The following ZFHX3 variants were observed in gnomAD, a reference collection of about 807,000 sequenced individuals.
The protein encoded by ZFHX3 is zinc finger homeobox protein 3.
A neutral mutation model predicts 279.1 loss-of-function variants in ZFHX3; 42 were observed. The ratio of observed to expected loss-of-function variants is 0.15; its 90% CI spans 0.12 to 0.19. The LOEUF (loss-of-function observed/expected upper bound fraction) is 0.19, where lower values mean the gene tolerates loss of function less well. Among genes scored for constraint, ZFHX3 ranks in the 10% least tolerant of loss-of-function variants. ZFHX3 has a pLI of 1.00. For missense variants in ZFHX3, 4,981 were observed against 4,754.0 expected, an observed-to-expected ratio of 1.05 and a Z score of -1.40; for synonymous variants, 2,293 against 1,957.8, an observed-to-expected ratio of 1.17 and a Z score of -4.52.
At chr16:73,058,588 C>G in exon 1 of ZFHX3, 1 of 239,064 alleles carries the variant, frequency 4.2e-6, no homozygotes, top group Non-Finnish European at 7.9e-6. Flanking sequence ...GCGGCGGCGG[C>G]GGGAGCTGGC....
intron 1 of ZFHX3, among the ~76,000 whole-genome samples, chr16:73,741,366 C>T (rs1392940834): frequency 6.6e-6 from 1 of 152,142 alleles, no homozygotes; most frequent in Non-Finnish European, 1.5e-5. Flanking sequence ...TCTCTTGAGT[C>T]TCTGAATCCT....
chr16:73,494,754 G>T (rs1199279199), intron 2 of ZFHX3, among the ~76,000 whole-genome samples: 1 of 151,128 alleles, frequency 6.6e-6, no homozygotes, highest in Admixed American at 6.6e-5. Flanking sequence ...TTTTAGCAGA[G>T]ATGGGGTTTC....
chr16:73,403,335 G>A (rs1597320764), intron 3 of ZFHX3, among the ~76,000 whole-genome samples: 1 of 152,202 alleles, frequency 6.6e-6, no homozygotes, highest in South Asian at 2.1e-4. Flanking sequence ...GGTCCCGCAG[G>A]GGTTCGTTAA....
exon 1 of ZFHX3, chr16:73,058,684 A>G (rs1467137337): frequency 2.3e-5 from 5 of 217,974 alleles, no homozygotes; most frequent in Non-Finnish European, 3.4e-5. Flanking sequence ...GCGGCGGCGG[A>G]GGACGCGCTG....
At chr16:73,620,067 G>A (rs1183844968) in intron 2 of ZFHX3, among the ~76,000 whole-genome samples, 1 of 152,172 alleles carries the variant, frequency 6.6e-6, no homozygotes, top group Non-Finnish European at 1.5e-5. Context: ...GGGACTACAG[G>A]TGTGCACCAC....
intron 5 of ZFHX3, among the ~76,000 whole-genome samples, chr16:73,193,702 T>C (rs1968088531): frequency 6.6e-6 from 1 of 152,172 alleles, no homozygotes; most frequent in East Asian, 1.9e-4. Flanking sequence ...AGCAGTTTGT[T>C]AAACCCCACA....
chr16:73,353,710 G>A (rs1330431433), intron 3 of ZFHX3, among the ~76,000 whole-genome samples: 1 of 152,120 alleles, frequency 6.6e-6, no homozygotes, highest in Non-Finnish European at 1.5e-5. Context: ...TGTTAGTATA[G>A]ACCCAGTGTG....
At chr16:73,831,050 G>A (rs1250011483) in intron 1 of ZFHX3, among the ~76,000 whole-genome samples, 1 of 152,098 alleles carries the variant, frequency 6.6e-6, no homozygotes, top group Non-Finnish European at 1.5e-5. Context: ...TTCCCCTTTA[G>A]ACACATTCAA....
chr16:72,999,155 GT>G (rs1009362847), intron 1 of ZFHX3, among the ~76,000 whole-genome samples: 1 of 152,054 alleles, frequency 6.6e-6, no homozygotes, highest in South Asian at 2.1e-4. Flanking sequence ...ACAATCTTTT[GT>G]TTTTTTGTTT....
At chr16:73,755,936 G>A (rs2053804612) in intron 1 of ZFHX3, among the ~76,000 whole-genome samples, 2 of 152,290 alleles carry the variant, frequency 1.3e-5, no homozygotes, top group Admixed American at 6.5e-5. Context: ...GGTGACAGTG[G>A]CTGGCTCCTG....
At chr16:73,065,694 C>T (rs1314513566) in intron 8 of ZFHX3, among the ~76,000 whole-genome samples, 1 of 151,950 alleles carries the variant, frequency 6.6e-6, no homozygotes, top group Non-Finnish European at 1.5e-5. Flanking sequence ...ATTTTGCTCT[C>T]TTCGCCCCAG....
Position 72,958,174 on chromosome 16 carries a change from G to A in ZFHX3, c.1972C>T (p.His658Tyr). 1 of 1,613,658 alleles carries A rather than the reference G, an allele frequency of 6.2e-7. No individual in the cohort carries two copies. Among genetic ancestry groups the A allele is most frequent in the Non-Finnish European group, 8.5e-7 (1 of 1,179,566 alleles). The change falls in exon 2 of 10, where the codon CAC becomes TAC. Residue 658 changes from histidine to tyrosine, a missense_variant. Transcript: ENST00000268489. The part of the protein sequence containing the change: ...VLGSSRSLGG[H>Y]MTMMHSRNSC... The stretch of plus-strand genomic sequence containing the variant: ...TTACGAGAATGCATCATGGTCATGT[G>A]GCCGCCCAGCGAGCGGGAGGAGCCC...
chr16:73,684,727 G>T (rs2053061566), intron 1 of ZFHX3, among the ~76,000 whole-genome samples: 1 of 141,592 alleles, frequency 7.1e-6, no homozygotes, highest in African/African-American at 2.7e-5. Flanking sequence ...TGGAGATGGA[G>T]TCTTGCTCTG....
At position 72,843,367 on chromosome 16, in the gene ZFHX3, C is replaced by A. The variant is rs192733160; in HGVS notation, c.3449-13508G>T. 2.6e-3 allele frequency among the ~76,000 whole-genome samples: 392 copies of A among 151,958 alleles called. 2 individuals carry two copies. The highest frequency in any genetic ancestry group is 0.024 in the Admixed American group (361 of 15,292). On this transcript the variant is annotated intron_variant, in intron 4 of 9. Coordinates refer to ENST00000268489, the MANE Select transcript of ZFHX3 (RefSeq NM_006885.4). ...CTACTAAAAAATACAAAAAATTAGC[C>A]GGGCGTGGTGGCGGGCGCCTGTAGT...
chr16:72,966,119 G>A (rs910983175), intron 1 of ZFHX3, among the ~76,000 whole-genome samples: 2 of 152,142 alleles, frequency 1.3e-5, no homozygotes, highest in African/African-American at 2.4e-5. Flanking sequence ...CTCGGGACAC[G>A]CCAACAAGGC....
At chr16:73,184,714 C>A (rs1597208943) in intron 5 of ZFHX3, among the ~76,000 whole-genome samples, 1 of 152,106 alleles carries the variant, frequency 6.6e-6, no homozygotes, top group Admixed American at 6.5e-5. Flanking sequence ...AAAGTGAAAT[C>A]CATTTGCAAG....
At chr16:73,537,158 A>T (rs1399326074) in intron 2 of ZFHX3, among the ~76,000 whole-genome samples, 1 of 152,140 alleles carries the variant, frequency 6.6e-6, no homozygotes, top group Admixed American at 6.5e-5. Flanking sequence ...AGTAGACATG[A>T]TGCTTTGGGC....
intron 6 of ZFHX3, among the ~76,000 whole-genome samples, chr16:73,140,586 C>T (rs916155444): frequency 1.3e-5 from 2 of 151,876 alleles, no homozygotes; most frequent in Admixed American, 6.6e-5. Context: ...CCGGGCGTGG[C>T]GGCTCACACT....
chr16:72,952,713 T>C (rs1002815462), intron 2 of ZFHX3, among the ~76,000 whole-genome samples: 7 of 152,200 alleles, frequency 4.6e-5, no homozygotes, highest in African/African-American at 1.7e-4. Flanking sequence ...CTGGTCTTTT[T>C]CAGTCCATCA....
Sources: gnomAD v4.1 joint callset for allele counts (sites outside exome capture counted in the v4.1 genomes callset) on GRCh38, gnomAD v4.1.1 for gene constraint, MANE v1.5 for transcripts, NCBI Gene and HGNC (gene_info 2026-07-23, HGNC 2026-07-21) for gene names.